FHIT: variants seen among roughly 807,000 people sequenced by gnomAD.
The protein encoded by FHIT is fragile histidine triad diadenosine triphosphatase.
Under a neutral mutation model 17.9 loss-of-function variants are expected in FHIT, and 19 were observed. The ratio of observed to expected loss-of-function variants is 1.06; its 90% CI spans 0.74 to 1.56. The LOEUF (loss-of-function observed/expected upper bound fraction) is 1.56. Ranked by LOEUF, FHIT falls within the 40% of genes most tolerant of loss-of-function variation. The pLI is 0.00. For synonymous variants in FHIT, 81 were observed against 69.7 expected (o/e 1.16, Z -0.81); for missense variants, 248 against 189.2 (o/e 1.31, Z -1.82).
At chr3:59,961,635 G>A (rs149642082) in intron 7 of FHIT, among the ~76,000 whole-genome samples, 233 of 152,204 alleles carry the variant, frequency 1.5e-3, no homozygotes, top group Non-Finnish European at 2.0e-3. Flanking sequence ...CTCAAGGCAC[G>A]GTCCCACATG....
intron 1 of FHIT, among the ~76,000 whole-genome samples, chr3:61,244,730 A>C (rs1297527458): frequency 6.6e-6 from 1 of 152,228 alleles, no homozygotes; most frequent in Non-Finnish European, 1.5e-5. Flanking sequence ...AGAGAATCTG[A>C]ACAAACAGGT....
chr3:61,007,683 T>C (rs1223997413), intron 3 of FHIT, among the ~76,000 whole-genome samples: 2 of 152,094 alleles, frequency 1.3e-5, no homozygotes, highest in Non-Finnish European at 2.9e-5. Flanking sequence ...CCTATGCGAC[T>C]ACAGAATGTG....
chr3:60,058,647 A>C (rs888214072), intron 5 of FHIT, among the ~76,000 whole-genome samples: 2 of 152,212 alleles, frequency 1.3e-5, no homozygotes, highest in African/African-American at 4.8e-5. Context: ...GCTCTTTCTT[A>C]GAATTGACTC....
chr3:59,850,997 A>C (rs936578651), intron 8 of FHIT, among the ~76,000 whole-genome samples: 1 of 152,196 alleles, frequency 6.6e-6, no homozygotes, highest in African/African-American at 2.4e-5. Context: ...CATTGTTCAC[A>C]AGGGGTTGGT....
intron 4 of FHIT, among the ~76,000 whole-genome samples, chr3:60,614,190 C>T (rs72887699): frequency 0.015 from 2,313 of 152,200 alleles, 67 homozygotes; most frequent in African/African-American, 0.053. Context: ...GCCTTTGTAA[C>T]ACCTGACACA....
At chr3:60,117,702 C>T (rs548182884) in intron 5 of FHIT, among the ~76,000 whole-genome samples, 182 of 152,058 alleles carry the variant, frequency 1.2e-3, no homozygotes, top group Middle Eastern at 3.4e-3. Flanking sequence ...TGAACAGACG[C>T]GCAGAGAATG....
chr3:61,069,692 T>C (rs759273736), intron 2 of FHIT, among the ~76,000 whole-genome samples: 17 of 152,194 alleles, frequency 1.1e-4, no homozygotes, highest in African/African-American at 3.1e-4. Context: ...TTAACCAGCA[T>C]TGCGTGATTT....
chr3:60,692,798 T>C (rs2041023419), intron 4 of FHIT, among the ~76,000 whole-genome samples: 1 of 152,224 alleles, frequency 6.6e-6, no homozygotes, highest in Non-Finnish European at 1.5e-5. Context: ...GAGTAACCAC[T>C]ATTTGCATTC....
At position 60,087,021 on chromosome 3, in the gene FHIT, CTA is replaced by C. The variant is rs535923663; in HGVS notation, c.104-72871_104-72870del. 4.7e-3 allele frequency among the ~76,000 whole-genome samples: 723 copies of C among 152,318 alleles called. 8 individuals are homozygous for C. Among genetic ancestry groups the C allele is most frequent in the African/African-American group, 0.017 (694 of 41,584 alleles). On this transcript the variant is annotated intron_variant, in intron 5 of 9. Coordinates refer to ENST00000492590, the MANE Select transcript of FHIT (RefSeq NM_002012.4). ...AGTCATCTCTAAAATCCTCTGAAAT[CTA>C]TGAGTCATCAAGCCTCCACCACCCT...
intron 4 of FHIT, among the ~76,000 whole-genome samples, chr3:60,792,546 G>T (rs1700820182): frequency 6.6e-6 from 1 of 152,172 alleles, no homozygotes; most frequent in Non-Finnish European, 1.5e-5. Flanking sequence ...ACATAGCCTT[G>T]CTGGCTCACA....
intron 5 of FHIT, among the ~76,000 whole-genome samples, chr3:60,113,966 C>T (rs1461462382): frequency 8.7e-6 from 1 of 115,140 alleles, no homozygotes; most frequent in African/African-American, 3.5e-5. Context: ...CGCGCCACAG[C>T]ACTCCAGCCT....
intron 5 of FHIT, among the ~76,000 whole-genome samples, chr3:60,534,572 C>G (rs1000161010): frequency 1.6e-4 from 24 of 152,070 alleles, no homozygotes; most frequent in Non-Finnish European, 2.8e-4. Flanking sequence ...TCTACTGGCC[C>G]TGAGACTGTT....
intron 2 of FHIT, among the ~76,000 whole-genome samples, chr3:61,094,671 C>T (rs532681973): frequency 1.3e-5 from 2 of 152,260 alleles, no homozygotes; most frequent in South Asian, 4.2e-4. Flanking sequence ...TAACACTATG[C>T]CAGCATTACT....
At chr3:60,310,995 C>T (rs1026256860) in intron 5 of FHIT, among the ~76,000 whole-genome samples, 6 of 152,154 alleles carry the variant, frequency 3.9e-5, no homozygotes, top group African/African-American at 1.2e-4. Context: ...TTTTCCACCC[C>T]AGTACAGTTA....
At chr3:61,107,489 C>G (rs1252349242) in intron 2 of FHIT, among the ~76,000 whole-genome samples, 2 of 152,146 alleles carry the variant, frequency 1.3e-5, no homozygotes, top group Non-Finnish European at 2.9e-5. Flanking sequence ...TAACTACACA[C>G]TAGTGGGATT....
chr3:60,045,033 TA>T (rs1003495279), intron 5 of FHIT, among the ~76,000 whole-genome samples: 21 of 152,060 alleles, frequency 1.4e-4, no homozygotes, highest in African/African-American at 3.9e-4. Flanking sequence ...TTGGCCATCA[TA>T]AAAAACAGCA....
intron 8 of FHIT, among the ~76,000 whole-genome samples, chr3:59,831,043 T>G (rs1701146724): frequency 6.6e-6 from 1 of 152,166 alleles, no homozygotes; most frequent in Admixed American, 6.5e-5. Context: ...GTATCCGATG[T>G]TACCAGTGTG....
intron 5 of FHIT, among the ~76,000 whole-genome samples, chr3:60,323,870 T>C (rs1709545651): frequency 6.6e-6 from 1 of 152,106 alleles, no homozygotes; most frequent in South Asian, 2.1e-4. Context: ...CGCTTTGTTA[T>C]AAGGAAGATT....
At chr3:60,179,937 G>A (rs560912924) in intron 5 of FHIT, among the ~76,000 whole-genome samples, 22 of 152,284 alleles carry the variant, frequency 1.4e-4, no homozygotes, top group African/African-American at 4.8e-4. Context: ...GATGGAATCT[G>A]AATGACAATT....
Sources: gnomAD v4.1 joint callset for allele counts (sites outside exome capture counted in the v4.1 genomes callset) on GRCh38, gnomAD v4.1.1 for gene constraint, MANE v1.5 for transcripts, NCBI Gene and HGNC (gene_info 2026-07-23, HGNC 2026-07-21) for gene names.